Variants in CASZ1 observed in about 807,000 individuals in gnomAD.
CASZ1 encodes castor zinc finger 1.
Under a neutral mutation model 135.2 loss-of-function variants are expected in CASZ1, and 28 were observed. That is an observed-to-expected ratio of 0.21 (90% confidence interval 0.15 to 0.28). The LOEUF is 0.28. CASZ1 is among the 10% of genes least tolerant of loss of function. CASZ1 has a pLI of 1.00. For synonymous variants in CASZ1, 1,068 were observed against 1,073.4 expected, an observed-to-expected ratio of 0.99 and a Z score of 0.10; for missense variants, 2,161 against 2,453.3, an observed-to-expected ratio of 0.88 and a Z score of 2.52.
At chr1:10,749,377 A>G (rs922544098) in intron 2 of CASZ1, among the ~76,000 whole-genome samples, 1 of 152,018 alleles carries the variant, frequency 6.6e-6, no homozygotes, top group Non-Finnish European at 1.5e-5. Context: ...CCTCCTGAGT[A>G]GCTAGGACTA....
At chr1:10,785,131 T>TCCTTCTTTCCTTCCTC (rs1557570867) in intron 1 of CASZ1, among the ~76,000 whole-genome samples, 1 of 23,560 alleles carries the variant, frequency 4.2e-5, no homozygotes, top group African/African-American at 8.6e-5. Flanking sequence ...TTTCCTTTCT[T>TCCTTCTTTCCTTCCTC]CCTTCCTTCC....
rs1252529270 is a variant in CASZ1, at chr1:10,755,170, G to C, written c.-77+5531C>G. Among the ~76,000 whole-genome samples, 1 of 152,218 alleles carries C rather than the reference G, an allele frequency of 6.6e-6. No individual in the cohort carries two copies. The highest frequency in any genetic ancestry group is 2.4e-5 in the African/African-American group (1 of 41,460). ...CCAGGGGTCCCGCGGAAGGTGGGCA[G>C]CAAGGGGATCACTGGCCGCCTCATG... On this transcript the variant is annotated intron_variant, in intron 2 of 20. Transcript: ENST00000377022. The surrounding 1 kb of genome is among the most constrained non-coding windows in gnomAD (Gnocchi z 4.3).
rs1642042406 is a variant in CASZ1 at position 10,637,837 on chromosome 1, C to A, written c.*1105G>T. On this transcript the variant is annotated 3_prime_UTR_variant, in exon 21 of 21. Coordinates refer to ENST00000377022, the MANE Select transcript of CASZ1 (RefSeq NM_001079843.3). ...AACAAACTGGAAAAAAAAAAAAGCC[C>A]TATAAAGCCACACGCATCACCAAGA... The A allele has an allele frequency of 1.3e-5, 2 of 151,656 alleles. No individual in the cohort carries two copies. Among genetic ancestry groups the A allele is most frequent in the African/African-American group, 4.9e-5 (2 of 41,212 alleles). 9.4% of individuals were successfully genotyped at this position (151,656 alleles called of 1,614,324 possible).
Position 10,697,547 on chromosome 1 carries a change from G to A in CASZ1, c.-23-3635C>T, listed in dbSNP as rs56996870. Reference sequence around the variant, plus strand: ...GCTCCCCACATCAGCACCAAGGAAAGCCATCTGCCCTTCCTGTCACACTGC... The same window carrying A: ...GCTCCCCACATCAGCACCAAGGAAAACCATCTGCCCTTCCTGTCACACTGC... On this transcript the variant is annotated intron_variant, in intron 3 of 20. Transcript: ENST00000377022. The surrounding 1 kb of genome is among the most constrained non-coding windows in gnomAD (Gnocchi z 4.7). 6.6e-6 allele frequency among the ~76,000 whole-genome samples: 1 copy of A among 151,918 alleles called. No individual in the cohort carries two copies. The highest frequency in any genetic ancestry group is 2.4e-5 in the African/African-American group (1 of 41,302).
At chr1:10,786,442 C>T (rs1015006227) in intron 1 of CASZ1, among the ~76,000 whole-genome samples, 6 of 152,194 alleles carry the variant, frequency 3.9e-5, no homozygotes, top group Admixed American at 1.3e-4. Flanking sequence ...TCACCCTGCA[C>T]TAGGGGCCCA....
In CASZ1 at chr1:10,766,793, T is replaced by C. The variant is rs549860772; in HGVS notation, c.-233-5936A>G. Among the ~76,000 whole-genome samples the C allele has an allele frequency of 1.8e-4, 28 of 152,346 alleles. No individual in the cohort carries two copies. In the East Asian group the frequency reaches 5.4e-3, roughly 29 times the overall value. On this transcript the variant is annotated intron_variant, in intron 1 of 20. Transcript: ENST00000377022. ...AATGCATATAACCATCGCAAATTAA[T>C]ATCTATAACCTGCAATGAAGTAGAT...
intron 2 of CASZ1, among the ~76,000 whole-genome samples, chr1:10,716,672 A>G (rs1165659518): frequency 1.3e-5 from 2 of 152,192 alleles, no homozygotes; most frequent in African/African-American, 2.4e-5. Flanking sequence ...CCCTCTAGAC[A>G]GCACAATAAA....
chr1:10,702,977 A>C (rs1205085439), intron 3 of CASZ1, among the ~76,000 whole-genome samples: 2 of 151,922 alleles, frequency 1.3e-5, no homozygotes, highest in Non-Finnish European at 2.9e-5. Context: ...AGAGAGAGAG[A>C]GAGAGAGAGC....
intron 12 of CASZ1, 91 bp downstream of exon 12, chr1:10,650,850 C>T: frequency 1.3e-6 from 2 of 1,587,420 alleles, no homozygotes; most frequent in East Asian, 2.2e-5. Flanking sequence ...TCCAGCCGAG[C>T]CCGCTGCAAC....
At chr1:10,691,627 G>C (rs765415754) in intron 4 of CASZ1, among the ~76,000 whole-genome samples, 1 of 152,196 alleles carries the variant, frequency 6.6e-6, no homozygotes, top group African/African-American at 2.4e-5. Flanking sequence ...CACGAGCCCC[G>C]GCCAGAGACG....
Position 10,748,182 on chromosome 1 carries a change from T to C in CASZ1, c.-77+12519A>G, listed in dbSNP as rs139971770. ...CTTCTAAGCCTGGCAGAGGAGAAGG[T>C]GATTGCCAGGCCCGGCCTGTCCTTA... On this transcript the variant is annotated intron_variant, in intron 2 of 20. Coordinates refer to ENST00000377022, the MANE Select transcript of CASZ1 (RefSeq NM_001079843.3). 9.1e-3 allele frequency among the ~76,000 whole-genome samples: 1,379 copies of C among 152,068 alleles called. 45 individuals are homozygous for C. Among genetic ancestry groups the C allele is most frequent in the East Asian group, 0.089 (458 of 5,148 alleles).
chr1:10,653,963 G>A lies in CASZ1; in HGVS notation c.2094C>T (p.Arg698=), dbSNP rs1448652771. Residue 698 remains arginine (R), a synonymous_variant, in exon 11 of 21, where the codon CGC becomes CGT. Coordinates refer to ENST00000377022, the MANE Select transcript of CASZ1 (RefSeq NM_001079843.3). ...HKRKHERRHI[R]SSGALGLPPS... ...GCGGCAGCCCCAGCGCGCCCGAGGA[G>A]CGGATGTGCCGGCGCTCATGCTTGC... 1.2e-6 allele frequency: 2 copies of A among 1,613,766 alleles called. No homozygotes were observed. Among genetic ancestry groups the A allele is most frequent in the Non-Finnish European group, 1.7e-6 (2 of 1,179,868 alleles).
At chr1:10,680,348 C>T (rs6540944) in intron 4 of CASZ1, among the ~76,000 whole-genome samples, 76,666 of 149,466 alleles carry the variant, frequency 0.51, 20,360 homozygotes, top group African/African-American at 0.55. Context: ...AACTTGGACC[C>T]CCAGGGCCTG....
chr1:10,794,024 G>C lies in CASZ1; in HGVS notation c.-234+2540C>G, dbSNP rs943650332. ...CGCCGAACGGCCCAGCGCCCCCTCCGGGCACGTGGAGCGCAGCCCCGGCTC... is the reference window on the plus strand; with the variant it reads ...CGCCGAACGGCCCAGCGCCCCCTCCCGGCACGTGGAGCGCAGCCCCGGCTC... On this transcript the variant is annotated intron_variant, in intron 1 of 20. Coordinates refer to ENST00000377022, the MANE Select transcript of CASZ1 (RefSeq NM_001079843.3). The surrounding 1 kb of genome is among the most constrained non-coding windows in gnomAD (Gnocchi z 5.6). 1.3e-5 allele frequency among the ~76,000 whole-genome samples: 2 copies of C among 152,118 alleles called. No homozygotes were observed. Among genetic ancestry groups the C allele is most frequent in the Non-Finnish European group, 2.9e-5 (2 of 67,994 alleles).
chr1:10,780,963 A>T (rs1245227656), intron 1 of CASZ1, among the ~76,000 whole-genome samples: 1 of 152,166 alleles, frequency 6.6e-6, no homozygotes, highest in Non-Finnish European at 1.5e-5. Flanking sequence ...TCTTTTAATA[A>T]AATAAGAATG....
chr1:10,653,921 G>A lies in CASZ1; in HGVS notation c.2136C>T (p.Ala712=). Residue 712 remains alanine (A), a synonymous_variant, in exon 11 of 21, where the codon GCC becomes GCT. Transcript: ENST00000377022. ...ALGLPPSLLG[A]KDTEHEESSN... ...TGGACTCCTCGTGCTCCGTGTCCTT[G>A]GCGCCCAGCAGCGAGGGCGGCAGCC... 1.2e-6 allele frequency: 2 copies of A among 1,613,640 alleles called. No individual in the cohort carries two copies. The highest frequency in any genetic ancestry group is 1.7e-6 in the Non-Finnish European group (2 of 1,179,752).
Position 10,647,877 on chromosome 1 carries a change from C to G in CASZ1, c.3421G>C (p.Ala1141Pro), listed in dbSNP as rs370619445. 1.9e-6 allele frequency: 3 copies of G among 1,613,684 alleles called. No individual in the cohort carries two copies. The highest frequency in any genetic ancestry group is 1.1e-5 in the South Asian group (1 of 91,070). ...AGAGAAGTCGTTGCCAAGGGCGAGG[C>G]GGGCAGGTGAGGCACTGACGCTGGG... is the stretch of plus-strand genomic sequence containing the variant. ...QIPASVPHLP[A>P]SPLATTSLEN... The change falls in exon 16 of 21, where the codon GCC (alanine) becomes CCC (proline). Residue 1141 changes from alanine to proline, a missense_variant. Ala to Pro is a conservative substitution (Grantham distance 27). Transcript: ENST00000377022. This position sits in a 1 kb window ranked among gnomAD's most constrained non-coding sequence, Gnocchi z 4.9.
At position 10,720,788 on chromosome 1, in the gene CASZ1, C is replaced by T. The variant is rs377206066; in HGVS notation, c.-76-15244G>A. Among the ~76,000 whole-genome samples, 6 of 152,182 alleles carry T rather than the reference C, an allele frequency of 3.9e-5. 1 individual carries two copies. The highest frequency in any genetic ancestry group is 7.2e-5 in the African/African-American group (3 of 41,520). On this transcript the variant is annotated intron_variant, in intron 2 of 20. Coordinates refer to ENST00000377022, the MANE Select transcript of CASZ1 (RefSeq NM_001079843.3). The surrounding 1 kb of genome is among the most constrained non-coding windows in gnomAD (Gnocchi z 5.7). The stretch of plus-strand genomic sequence containing the variant: ...CAGAGAGTGGGGAGGAAGTGGACGC[C>T]GGTGGGTGAGCTGAGGGAGGGTGAG...
chr1:10,642,769 C>T (rs1642247803), intron 20 of CASZ1, 90 bp downstream of exon 20: 2 of 1,459,840 alleles, frequency 1.4e-6, no homozygotes, highest in Non-Finnish European at 1.9e-6. Context: ...AGGCCGCGTG[C>T]CCCGGACCTT....
Sources: gnomAD v4.1 joint callset for allele counts (sites outside exome capture counted in the v4.1 genomes callset) on GRCh38, gnomAD v4.1.1 for gene constraint, Gnocchi (gnomAD v3.1) non-coding constraint, MANE v1.5 for transcripts, NCBI Gene and HGNC (gene_info 2026-07-23, HGNC 2026-07-21) for gene names.